Variants in H3C6 observed in about 807,000 individuals in gnomAD.
H3C6 encodes H3 clustered histone 6, also known as histone H3.1.
A neutral mutation model predicts 8.0 loss-of-function variants in H3C6; 17 were observed. The observed-to-expected ratio is 2.13, with a 90% CI of 1.46 to 3.19. H3C6 has a LOEUF of 3.19. H3C6 is among the 30% of genes most tolerant of loss of function. The pLI is 0.00. For missense variants in H3C6, 298 were observed against 193.8 expected (o/e 1.54, Z -3.19); for synonymous variants, 169 against 78.0 (o/e 2.17, Z -6.15).
At chr6:26,224,498 T>C (rs1310435162), upstream of H3C6, among the ~76,000 whole-genome samples, 2 of 152,240 alleles carry the variant, frequency 1.3e-5, no homozygotes, top group Admixed American at 6.5e-5. Context: ...GCTCTTGCCA[T>C]TATGTCTGGA....
chr6:26,225,358 T>A lies in H3C6; in HGVS notation c.204T>A (p.Phe68Leu). The change falls in exon 1 of 1, where the codon TTT (phenylalanine) becomes TTA (leucine). Residue 68 changes from phenylalanine to leucine, a missense_variant. Physicochemically the swap from Phe to Leu is conservative, Grantham distance 22. Transcript: ENST00000614911. ...AGCTTCTAATCCGGAAGCTGCCGTT[T>A]CAGCGCCTGGTGCGAGAAATAGCTC... ...STELLIRKLP[F>L]QRLVREIAQD... 1 of 1,614,254 alleles carries A rather than the reference T, an allele frequency of 6.2e-7. No individual in the cohort carries two copies. The highest frequency in any genetic ancestry group is 1.3e-5 in the African/African-American group (1 of 75,074).
Position 26,225,148 on chromosome 6 carries a change from A to G in H3C6, c.-7A>G, listed in dbSNP as rs770662700. 2.6e-6 allele frequency: 4 copies of G among 1,535,402 alleles called. No individual in the cohort carries two copies. The highest frequency in any genetic ancestry group is 2.8e-5 in the African/African-American group (2 of 72,094). On this transcript the variant is annotated 5_prime_UTR_variant, in exon 1 of 1. The change abolishes an upstream ATG in the 5' untranslated region. Coordinates refer to ENST00000614911, the MANE Select transcript of H3C6 (RefSeq NM_003532.3). ...TCTTCCTAACTCATTTACTTTGCAG[A>G]TGAACTATGGCGCGTACTAAGCAGA...
downstream of H3C6, chr6:26,226,408 T>A (rs893551321): frequency 1.4e-5 from 2 of 144,452 alleles, no homozygotes; most frequent in South Asian, 2.2e-4. Flanking sequence ...TTATTTATTT[T>A]GAGACGGAGT....
chr6:26,225,487 C>T lies in H3C6; in HGVS notation c.333C>T (p.Cys111=), dbSNP rs891371937. The change falls in exon 1 of 1, where the codon TGC becomes TGT. Residue 111 remains cysteine, a synonymous_variant. Transcript: ENST00000614911. ...GGCTTTTCGAGGACACCAACCTGTG[C>T]GCTATTCATGCCAAACGCGTGACCA... is the stretch of plus-strand genomic sequence containing the variant. The part of the protein sequence containing the change: ...LVGLFEDTNL[C]AIHAKRVTIM... The T allele has an allele frequency of 1.1e-5, 17 of 1,614,120 alleles. No homozygotes were observed. The African/African-American group carries it at 1.1e-4, about 10-fold the overall frequency.
downstream of H3C6, chr6:26,225,747 C>T: frequency 1.3e-6 from 1 of 777,992 alleles, no homozygotes; most frequent in Non-Finnish European, 2.0e-6. Context: ...AATTTAAGCG[C>T]TCCCTCAGGT....
In H3C6 at chr6:26,225,573, T is replaced by C; in HGVS notation, c.*8T>C. The C allele has an allele frequency of 1.2e-6, 2 of 1,610,396 alleles. No homozygotes were observed. The highest frequency in any genetic ancestry group is 8.5e-7 in the Non-Finnish European group (1 of 1,178,078). ...CGTGGGGAGAGGGCGTGAATTGTTTTGAGTACAAACCTTAAATCCAAAGGC... is the reference window on the plus strand; with the variant it reads ...CGTGGGGAGAGGGCGTGAATTGTTTCGAGTACAAACCTTAAATCCAAAGGC... On this transcript the variant is annotated 3_prime_UTR_variant, in exon 1 of 1. Transcript: ENST00000614911.
At chr6:26,225,728 AAAT>A, downstream of H3C6, 2 of 913,002 alleles carry the variant, frequency 2.2e-6, no homozygotes, top group Non-Finnish European at 3.2e-6. Flanking sequence ...TGCTTCATTT[AAAT>A]TTCCAAATTT....
chr6:26,224,299 T>A (rs1765580998), upstream of H3C6: 1 of 152,216 alleles, frequency 6.6e-6, no homozygotes, highest in South Asian at 2.1e-4. Context: ...GAAGTCCTGT[T>A]ATTTGGGTGA....
chr6:26,225,559 G>A lies in H3C6; in HGVS notation c.405G>A (p.Arg135=), dbSNP rs747886277. Residue 135 remains arginine, a synonymous_variant, in exon 1 of 1, where the codon AGG becomes AGA. Transcript: ENST00000614911. The stretch of plus-strand genomic sequence containing the variant: ...TTGCCCGCCGCATTCGTGGGGAGAG[G>A]GCGTGAATTGTTTTGAGTACAAACC... ...IQLARRIRGE[R]A 1.9e-6 allele frequency: 3 copies of A among 1,612,552 alleles called. No individual in the cohort carries two copies. The highest frequency in any genetic ancestry group is 2.2e-5 in the East Asian group (1 of 44,870).
downstream of H3C6, chr6:26,226,034 T>C (rs904938295): frequency 7.7e-5 from 12 of 156,798 alleles, no homozygotes; most frequent in African/African-American, 2.9e-4. Context: ...CCAGCGCTTT[T>C]GATCTGCATC....
downstream of H3C6, chr6:26,226,199 G>T (rs1014948514): frequency 6.6e-6 from 1 of 152,288 alleles, no homozygotes; most frequent in Non-Finnish European, 1.5e-5. Context: ...CTAACACACA[G>T]CTCTTGCAGA....
At chr6:26,225,064 C>T (rs1765595757), upstream of H3C6, 6 of 1,357,060 alleles carry the variant, frequency 4.4e-6, no homozygotes, top group Admixed American at 2.5e-5. Context: ...CGATCACTAA[C>T]AGGGATCGTC....
rs755877952 is a variant in H3C6, at chr6:26,225,238, G to A, written c.84G>A (p.Lys28=). The A allele has an allele frequency of 1.2e-6, 2 of 1,612,698 alleles. No homozygotes were observed. The highest frequency in any genetic ancestry group is 3.3e-5 in the Admixed American group (2 of 59,858). Residue 28 remains lysine (K), a synonymous_variant, in exon 1 of 1, where the codon AAG becomes AAA. Coordinates refer to ENST00000614911, the MANE Select transcript of H3C6 (RefSeq NM_003532.3). ...RKQLATKAAR[K]SAPATGGVKK... is the part of the protein sequence containing the mutation. ...AGCTGGCCACTAAGGCAGCTCGCAA[G>A]AGCGCTCCGGCCACGGGCGGCGTGA... is the stretch of plus-strand genomic sequence containing the variant.
downstream of H3C6, chr6:26,226,279 A>C (rs1759555724): frequency 6.6e-6 from 1 of 152,184 alleles, no homozygotes; most frequent in Non-Finnish European, 1.5e-5. Flanking sequence ...GTGTGTCTCA[A>C]ACCTGAGTGC....
At chr6:26,225,701 G>A (rs1759530418), downstream of H3C6, 2 of 1,107,354 alleles carry the variant, frequency 1.8e-6, no homozygotes, top group Admixed American at 5.6e-5. Context: ...TGAAATAGTG[G>A]CATTCAGTTC....
At chr6:26,226,360 TC>T (rs1759557906), downstream of H3C6, 1 of 138,324 alleles carries the variant, frequency 7.2e-6, no homozygotes, top group Non-Finnish European at 1.5e-5. Flanking sequence ...TTTTTTCTTT[TC>T]TTATTTATTT....
At chr6:26,225,640 ATCC>A, downstream of H3C6, 1 of 1,511,450 alleles carries the variant, frequency 6.6e-7, no homozygotes, top group South Asian at 1.3e-5. Flanking sequence ...AAGGGCTGTA[ATCC>A]TTTGAGACGC....
downstream of H3C6, chr6:26,225,776 C>T (rs762490502): frequency 3.4e-5 from 19 of 557,108 alleles, no homozygotes; most frequent in Non-Finnish European, 4.9e-5. Context: ...AGGGCTGGGC[C>T]TCCCTACGCT....
At chr6:26,225,656 T>C, downstream of H3C6, 1 of 1,416,968 alleles carries the variant, frequency 7.1e-7, no homozygotes, top group African/African-American at 1.4e-5. Context: ...TGAGACGCAT[T>C]AGACCACTAA....
Sources: allele counts gnomAD v4.1 joint callset (sites outside exome capture counted in the v4.1 genomes callset), GRCh38; gene constraint gnomAD v4.1.1; transcripts MANE v1.5; gene names NCBI Gene and HGNC (gene_info 2026-07-23, HGNC 2026-07-21).